Variants in WNK1 observed in about 807,000 individuals in gnomAD.
The protein encoded by WNK1 is WNK lysine deficient protein kinase 1, also known as serine/threonine-protein kinase WNK1.
WNK1 carries 38 observed loss-of-function variants against 222.8 expected under a neutral mutation model. The observed-to-expected ratio is 0.17, with a 90% CI of 0.13 to 0.22. The LOEUF is 0.22. WNK1 is among the 10% of genes least tolerant of loss of function. WNK1 has a pLI of 1.00. For missense variants in WNK1, 2,348 were observed against 2,918.4 expected, an observed-to-expected ratio of 0.80 and a Z score of 4.50; for synonymous variants, 1,090 against 1,092.9, an observed-to-expected ratio of 1.00 and a Z score of 0.05.
chr12:838,805 A>AT (rs887979613), intron 4 of WNK1, among the ~76,000 whole-genome samples: 1 of 151,764 alleles, frequency 6.6e-6, no homozygotes, highest in Admixed American at 6.6e-5. Flanking sequence ...TACTTAACTA[A>AT]TTTTTTTTCC....
chr12:821,216 T>C (rs1947852192), intron 2 of WNK1, among the ~76,000 whole-genome samples: 1 of 152,160 alleles, frequency 6.6e-6, no homozygotes, highest in Non-Finnish European at 1.5e-5. Flanking sequence ...TGTATAATCC[T>C]TTTACTATGC....
In WNK1 at chr12:768,126, GT is replaced by G. The variant is rs553388826; in HGVS notation, c.759+13810del. On this transcript the variant is annotated intron_variant, in intron 1 of 27. Transcript: ENST00000315939. The stretch of plus-strand genomic sequence containing the variant: ...AATTGTTTGTGTTGCATTGTATCAG[GT>G]TTTTTTTGTTCGTTTGTTTTTGAGG... Among the ~76,000 whole-genome samples the G allele has an allele frequency of 1.1e-4, 16 of 151,980 alleles. No homozygotes were observed. In the East Asian group the frequency reaches 2.9e-3, roughly 28 times the overall value.
chr12:771,140 G>T (rs893267867), intron 1 of WNK1, among the ~76,000 whole-genome samples: 1 of 152,030 alleles, frequency 6.6e-6, no homozygotes, highest in Non-Finnish European at 1.5e-5. Flanking sequence ...TGGGACTACA[G>T]GTGCATGCCA....
chr12:763,108 A>G (rs552522332), intron 1 of WNK1, among the ~76,000 whole-genome samples: 1 of 147,418 alleles, frequency 6.8e-6, no homozygotes, highest in Admixed American at 6.7e-5. Flanking sequence ...GGATACCTGA[A>G]GCTACAGACA....
At chr12:782,198 C>A (rs1471380253) in intron 1 of WNK1, among the ~76,000 whole-genome samples, 1 of 152,088 alleles carries the variant, frequency 6.6e-6, no homozygotes, top group South Asian at 2.1e-4. Context: ...AAGTTTATGA[C>A]CTAATTATCA....
chr12:846,302 A>T lies in WNK1; in HGVS notation c.1312-10859A>T, dbSNP rs182317247. 3.7e-3 allele frequency among the ~76,000 whole-genome samples: 562 copies of T among 152,282 alleles called. 2 individuals carry two copies. The highest frequency in any genetic ancestry group is 0.01 in the Middle Eastern group (3 of 294). On this transcript the variant is annotated intron_variant, in intron 4 of 27. Coordinates refer to ENST00000315939, the MANE Select transcript of WNK1 (RefSeq NM_018979.4). ...TGTCATGAAAGTCTATGCCACTGAT[A>T]ATGAGAAGATCCAAGTAAAAGTAGG...
intron 8 of WNK1, among the ~76,000 whole-genome samples, chr12:866,127 T>C (rs1335732867): frequency 6.6e-6 from 1 of 152,200 alleles, no homozygotes; most frequent in East Asian, 1.9e-4. Context: ...CCCAGAATTT[T>C]CAGATTTTTA....
chr12:785,975 A>G (rs1227140055), intron 1 of WNK1, among the ~76,000 whole-genome samples: 1 of 152,196 alleles, frequency 6.6e-6, no homozygotes, highest in Non-Finnish European at 1.5e-5. Flanking sequence ...CTGTTCATTT[A>G]TGCTACTCAG....
intron 3 of WNK1, 88 bp from the exon 4 acceptor site, chr12:829,915 C>T (rs1056781843): frequency 2.2e-5 from 32 of 1,437,148 alleles, no homozygotes; most frequent in Non-Finnish European, 2.8e-5. Context: ...TCTTCTCTCT[C>T]ACAGGTCAAC....
At chr12:849,798 A>G (rs905978076) in intron 4 of WNK1, among the ~76,000 whole-genome samples, 9 of 150,870 alleles carry the variant, frequency 6.0e-5, no homozygotes, top group East Asian at 1.9e-4. Flanking sequence ...ATTCCCACCT[A>G]TGAGTGAGAA....
chr12:908,488 C>T lies in WNK1; in HGVS notation c.6845C>T (p.Ala2282Val), dbSNP rs1955887374. Residue 2282 changes from alanine (A) to valine (V), a missense_variant, in exon 28 of 28, where the codon GCA becomes GTA. This residue lies in a region of WNK1 where 55 missense variants were observed against 104.1 expected (regional missense o/e 0.53). Coordinates refer to ENST00000315939, the MANE Select transcript of WNK1 (RefSeq NM_018979.4). ...GHMNYEGPGM[A>V]RKFSAPGQLC... ...TTTTGTTTTCAGGGCCCTGGAATGGCAAGGAAGTTCTCTGCACCTGGGCAA... is the reference window on the plus strand; with the variant it reads ...TTTTGTTTTCAGGGCCCTGGAATGGTAAGGAAGTTCTCTGCACCTGGGCAA... The T allele has an allele frequency of 6.2e-7, 1 of 1,614,072 alleles. No homozygotes were observed. The highest frequency in any genetic ancestry group is 8.5e-7 in the Non-Finnish European group (1 of 1,180,046).
At chr12:899,875 A>G (rs914063760) in intron 25 of WNK1, among the ~76,000 whole-genome samples, 8 of 151,790 alleles carry the variant, frequency 5.3e-5, no homozygotes, top group African/African-American at 1.9e-4. Context: ...AAAAGCAATC[A>G]TGGAATTGCA....
At chr12:771,604 T>C (rs1942508079) in intron 1 of WNK1, among the ~76,000 whole-genome samples, 2 of 152,056 alleles carry the variant, frequency 1.3e-5, no homozygotes, top group African/African-American at 2.4e-5. Context: ...CCAGCTAATT[T>C]TTGTATTTTT....
chr12:844,560 G>A (rs1949880507), intron 4 of WNK1, among the ~76,000 whole-genome samples: 1 of 152,120 alleles, frequency 6.6e-6, no homozygotes, highest in Non-Finnish European at 1.5e-5. Flanking sequence ...TGCCGCAGGT[G>A]GCATGCATTT....
At chr12:886,940 T>C (rs372241725) in intron 19 of WNK1, among the ~76,000 whole-genome samples, 1 of 152,206 alleles carries the variant, frequency 6.6e-6, no homozygotes, top group Non-Finnish European at 1.5e-5. Context: ...CTGCCACTTA[T>C]GTACATATAG....
rs1948462749 is a variant in WNK1, at chr12:827,652, C to A, written c.1153+390C>A. ...CAAGCGATTCTTGTGCCTCAGCCTC[C>A]CGAGTAGCTGGGATTACAGGCATGC... On this transcript the variant is annotated intron_variant, in intron 3 of 27. Transcript: ENST00000315939. The surrounding 1 kb of genome is among the most constrained non-coding windows in gnomAD (Gnocchi z 4.6). Among the ~76,000 whole-genome samples the A allele has an allele frequency of 6.6e-6, 1 of 152,092 alleles. No homozygotes were observed. Among genetic ancestry groups the A allele is most frequent in the African/African-American group, 2.4e-5 (1 of 41,404 alleles).
At chr12:875,284 G>A (rs973006021) in intron 9 of WNK1, among the ~76,000 whole-genome samples, 3 of 152,134 alleles carry the variant, frequency 2.0e-5, no homozygotes, top group African/African-American at 7.2e-5. Flanking sequence ...TTATCCGTTA[G>A]AAAAGAGGGG....
chr12:867,854 A>G lies in WNK1; in HGVS notation c.2140-3411A>G, dbSNP rs748683449. ...AATGTATGAATTACTTGTCTTATTC[A>G]TGTTGATACAGCCTCAGTCCATGGC... On this transcript the variant is annotated intron_variant, in intron 8 of 27. Coordinates refer to ENST00000315939, the MANE Select transcript of WNK1 (RefSeq NM_018979.4). The G allele has an allele frequency of 5.6e-6, 9 of 1,613,302 alleles. No individual in the cohort carries two copies. The East Asian group carries it at 1.1e-4, about 20-fold the overall frequency.
At chr12:837,731 A>G (rs930215066) in intron 4 of WNK1, among the ~76,000 whole-genome samples, 19 of 152,246 alleles carry the variant, frequency 1.2e-4, no homozygotes, top group African/African-American at 3.9e-4. Flanking sequence ...CACAGACTCA[A>G]ATTAGAAGTA....
Sources: gnomAD v4.1 joint callset for allele counts (sites outside exome capture counted in the v4.1 genomes callset) on GRCh38, gnomAD v4.1.1 for gene constraint, gnomAD v4.1.1 regional missense constraint, Gnocchi (gnomAD v3.1) non-coding constraint, MANE v1.5 for transcripts, NCBI Gene and HGNC (gene_info 2026-07-23, HGNC 2026-07-21) for gene names.